UBE4B: variants seen among roughly 807,000 people sequenced by gnomAD.
The protein encoded by UBE4B is ubiquitin conjugation factor E4 B.
Under a neutral mutation model 148.1 loss-of-function variants are expected in UBE4B, and 27 were observed. The ratio of observed to expected loss-of-function variants is 0.18; its 90% CI spans 0.13 to 0.25. The LOEUF (loss-of-function observed/expected upper bound fraction) is 0.25, where lower values mean the gene tolerates loss of function less well. Among genes scored for constraint, UBE4B ranks in the 10% least tolerant of loss-of-function variants. The probability of loss-of-function intolerance (pLI) is 1.00; values close to 1 mark genes in which losing one functional copy is unlikely to be tolerated. For missense variants in UBE4B, 1,170 were observed against 1,662.4 expected (o/e 0.70, Z 5.15); for synonymous variants, 596 against 619.3 (o/e 0.96, Z 0.56).
Position 10,122,055 on chromosome 1 carries a change from G to C in UBE4B, c.1533G>C (p.Gln511His). 3 of 1,613,230 alleles carry C rather than the reference G, an allele frequency of 1.9e-6. No homozygotes were observed. Among genetic ancestry groups the C allele is most frequent in the Non-Finnish European group, 2.5e-6 (3 of 1,179,496 alleles). The change falls in exon 10 of 28, where the codon CAG (glutamine) becomes CAC (histidine). Residue 511 changes from glutamine (Q) to histidine (H), a missense_variant. Physicochemically the swap from Gln to His is conservative, Grantham distance 24 (BLOSUM62 0). Around this residue, in one of 6 missense-constraint regions of UBE4B, gnomAD observed 388 missense variants for 536.0 expected, o/e 0.72. Transcript: ENST00000343090. ...FIQELVRTTHQDEEVFKQIFI... is the reference protein window; with the variant it reads ...FIQELVRTTHHDEEVFKQIFI... ...AGGAACTGGTGAGAACCACTCACCA[G>C]GATGAAGAAGTGTTCAAGCAGGTAC...
Position 10,164,354 on chromosome 1 carries a change from G to GA in UBE4B, c.3198+3079dup, listed in dbSNP as rs910822665. On this transcript the variant is annotated intron_variant, in intron 23 of 27. Transcript: ENST00000343090. ...CAGAGCGAGACTCCGTCTCAAAAAAGAAAAAAAAAAAGAAAGAAAGAGTCT... is the reference window on the plus strand; with the variant it reads ...CAGAGCGAGACTCCGTCTCAAAAAAGAAAAAAAAAAAAGAAAGAAAGAGTCT... Among the ~76,000 whole-genome samples, 292 of 140,968 alleles carry GA rather than the reference G, an allele frequency of 2.1e-3. 1 individual carries two copies. The highest frequency in any genetic ancestry group is 2.9e-3 in the East Asian group (14 of 4,778). The allele number at this position is 140,968 out of a possible 152,430, so 92.5% of individuals were successfully genotyped here. A position where few individuals can be genotyped will look rare whatever the true frequency, so the allele number is the denominator to read the frequency against.
rs1553154002 is a variant in UBE4B at position 10,161,999 on chromosome 1, C to CTTTTCTTTTTTTTTTTTTTTTTTTTTTT, written c.3198+717_3198+718insCTTTTTTTTTTTTTTTTTTTTTTTTTTT. ...GGGGACTGCTTTTTCTTCACTTTTT[C>CTTTTCTTTTTTTTTTTTTTTTTTTTTTT]TTTTTTTTTTTTTTTTGAGACGGAG... is the stretch of plus-strand genomic sequence containing the variant. On this transcript the variant is annotated intron_variant, in intron 23 of 27. Transcript: ENST00000343090. This position sits in a 1 kb window ranked among gnomAD's most constrained non-coding sequence, Gnocchi z 4.1. Among the ~76,000 whole-genome samples, 61 of 137,200 alleles carry CTTTTCTTTTTTTTTTTTTTTTTTTTTTT rather than the reference C, an allele frequency of 4.4e-4. 1 individual carries two copies. Among genetic ancestry groups the CTTTTCTTTTTTTTTTTTTTTTTTTTTTT allele is most frequent in the Non-Finnish European group, 8.0e-4 (50 of 62,874 alleles). 90.0% of individuals were successfully genotyped at this position (137,200 alleles called of 152,430 possible).
chr1:10,120,033 A>G (rs974690172), intron 9 of UBE4B, among the ~76,000 whole-genome samples: 1 of 152,202 alleles, frequency 6.6e-6, no homozygotes, highest in South Asian at 2.1e-4. Flanking sequence ...AATGGAATGG[A>G]TAGTTTAGGA....
At chr1:10,050,721 C>CTTTTT (rs1174636299) in intron 1 of UBE4B, among the ~76,000 whole-genome samples, 1 of 133,418 alleles carries the variant, frequency 7.5e-6, no homozygotes. Context: ...GACTCCTATT[C>CTTTTT]TTTTTTTTTT....
intron 16 of UBE4B, among the ~76,000 whole-genome samples, 182 bp from the exon 17 acceptor site, chr1:10,136,885 A>ACTT (rs1409460764): frequency 6.6e-6 from 1 of 152,224 alleles, no homozygotes; most frequent in Non-Finnish European, 1.5e-5. Context: ...GTGCCATTGC[A>ACTT]CTTCTGCCTG....
chr1:10,133,623 G>C (rs1210341613), intron 15 of UBE4B, among the ~76,000 whole-genome samples: 4 of 152,148 alleles, frequency 2.6e-5, no homozygotes, highest in African/African-American at 9.7e-5. Flanking sequence ...ATAAAGAGGA[G>C]AAAGAGGCCG....
chr1:10,122,413 G>A (rs1211305262), intron 10 of UBE4B, among the ~76,000 whole-genome samples: 1 of 152,208 alleles, frequency 6.6e-6, no homozygotes, highest in Non-Finnish European at 1.5e-5. Context: ...ATATGCATTT[G>A]CCAGATAAGT....
chr1:10,118,739 T>A (rs1645357652), intron 8 of UBE4B, among the ~76,000 whole-genome samples: 1 of 151,640 alleles, frequency 6.6e-6, no homozygotes, highest in South Asian at 2.1e-4. Flanking sequence ...CCCGACCTCA[T>A]GTGATCTGCC....
At chr1:10,040,152 T>A (rs1263932573) in intron 1 of UBE4B, among the ~76,000 whole-genome samples, 1 of 150,916 alleles carries the variant, frequency 6.6e-6, no homozygotes, top group Admixed American at 6.6e-5. Flanking sequence ...TGAGACAGGG[T>A]CTCCCTCTGT....
chr1:10,047,972 T>A (rs565910948), intron 1 of UBE4B, among the ~76,000 whole-genome samples: 7 of 152,272 alleles, frequency 4.6e-5, no homozygotes, highest in African/African-American at 1.7e-4. Flanking sequence ...TCTGCCTTAG[T>A]CTCCTGAGTA....
intron 1 of UBE4B, chr1:10,058,968 C>G (rs1644230692): frequency 6.6e-6 from 1 of 152,234 alleles, no homozygotes; most frequent in African/African-American, 2.4e-5. Context: ...TGCATGCCGG[C>G]TGGGCGCGGT....
At chr1:10,164,331 G>A (rs1646214359) in intron 23 of UBE4B, among the ~76,000 whole-genome samples, 1 of 151,808 alleles carries the variant, frequency 6.6e-6, no homozygotes, top group Admixed American at 6.6e-5. Context: ...CTGGGCAACA[G>A]AGCGAGACTC....
chr1:10,138,617 G>A (rs543989255), intron 17 of UBE4B, among the ~76,000 whole-genome samples: 1 of 152,148 alleles, frequency 6.6e-6, no homozygotes, highest in East Asian at 1.9e-4. Flanking sequence ...TATAAATGAT[G>A]ACAATTTTAT....
chr1:10,118,704 A>G (rs1363045793), intron 8 of UBE4B, among the ~76,000 whole-genome samples: 1 of 151,006 alleles, frequency 6.6e-6, no homozygotes, highest in Admixed American at 6.6e-5. Flanking sequence ...GGGTTTCTCC[A>G]TATTAGTCAG....
chr1:10,129,297 G>C, intron 11 of UBE4B, 95 bp from the exon 12 acceptor site: 1 of 1,200,264 alleles, frequency 8.3e-7, no homozygotes, highest in Non-Finnish European at 1.2e-6. Flanking sequence ...TAGAGGGAAC[G>C]AATTTATAGC....
intron 7 of UBE4B, among the ~76,000 whole-genome samples, chr1:10,109,215 G>A (rs1645173915): frequency 6.6e-6 from 1 of 151,986 alleles, no homozygotes; most frequent in Non-Finnish European, 1.5e-5. Context: ...CGGGGGGGCC[G>A]GGGGGACAGA....
intron 2 of UBE4B, among the ~76,000 whole-genome samples, chr1:10,073,920 ATTTTTT>A (rs947131085): frequency 6.7e-5 from 5 of 74,848 alleles, no homozygotes; most frequent in South Asian, 4.3e-4. Context: ...CTTTCTTTCT[ATTTTTT>A]TTTTTTTTTT....
intron 1 of UBE4B, among the ~76,000 whole-genome samples, chr1:10,067,300 G>C (rs1241782237): frequency 6.6e-6 from 1 of 152,216 alleles, no homozygotes; most frequent in Admixed American, 6.5e-5. Flanking sequence ...AAAAACTCTA[G>C]GAATGAGATT....
At chr1:10,175,569 T>G (rs1646412779) in intron 25 of UBE4B, among the ~76,000 whole-genome samples, 2 of 151,894 alleles carry the variant, frequency 1.3e-5, no homozygotes, top group Admixed American at 1.3e-4. Context: ...GAGAATGGCG[T>G]GAACCTGGGA....
Sources: allele counts gnomAD v4.1 joint callset (sites outside exome capture counted in the v4.1 genomes callset), GRCh38; gene constraint gnomAD v4.1.1; regional missense constraint gnomAD v4.1.1; non-coding constraint Gnocchi (gnomAD v3.1); transcripts MANE v1.5; gene names NCBI Gene and HGNC (gene_info 2026-07-23, HGNC 2026-07-21).